Variants in PIGK observed in about 807,000 individuals in gnomAD.
PIGK encodes GPI-anchor transamidase.
Under a neutral mutation model 50.6 loss-of-function variants are expected in PIGK, and 42 were observed. That is an observed-to-expected ratio of 0.83 (90% confidence interval 0.65 to 1.07). The LOEUF is 1.07. PIGK is among the 50% of genes least tolerant of loss of function. The pLI is 0.00. For missense variants in PIGK, 448 were observed against 488.7 expected (o/e 0.92, Z 0.78); for synonymous variants, 151 against 156.0 (o/e 0.97, Z 0.24).
At chr1:77,196,253 A>G (rs372089142) in intron 3 of PIGK, among the ~76,000 whole-genome samples, 16 of 152,182 alleles carry the variant, frequency 1.1e-4, no homozygotes, top group African/African-American at 3.9e-4. Flanking sequence ...GGTTTATTCT[A>G]TGTCTTTGCT....
intron 3 of PIGK, chr1:77,194,984 G>C: frequency 1.5e-6 from 1 of 656,294 alleles, no homozygotes; most frequent in Non-Finnish European, 2.8e-6. Flanking sequence ...GGATCACGTG[G>C]AAGCAGTGAA....
intron 9 of PIGK, among the ~76,000 whole-genome samples, chr1:77,151,180 CAAT>C (rs1319081170): frequency 1.1e-4 from 16 of 151,868 alleles, no homozygotes; most frequent in Non-Finnish European, 2.2e-4. Flanking sequence ...CCCAGATATG[CAAT>C]AATGGTTCAA....
chr1:77,093,482 A>T (rs1435705135), intron 10 of PIGK, among the ~76,000 whole-genome samples: 1 of 152,160 alleles, frequency 6.6e-6, no homozygotes, highest in Non-Finnish European at 1.5e-5. Flanking sequence ...GAGAAATAGT[A>T]AGCTAAAATT....
intron 3 of PIGK, among the ~76,000 whole-genome samples, chr1:77,185,145 T>C (rs529248808): frequency 5.4e-4 from 83 of 152,316 alleles, no homozygotes; most frequent in African/African-American, 1.8e-3. Flanking sequence ...AATACCTTTT[T>C]CTCCATGCCT....
intron 3 of PIGK, among the ~76,000 whole-genome samples, chr1:77,170,275 T>C (rs1655330121): frequency 6.6e-6 from 1 of 152,196 alleles, no homozygotes; most frequent in South Asian, 2.1e-4. Context: ...GCTCATATAA[T>C]CTGGTCTCTG....
chr1:77,214,940 C>A (rs917399132), intron 1 of PIGK, among the ~76,000 whole-genome samples: 2 of 151,888 alleles, frequency 1.3e-5, no homozygotes, highest in African/African-American at 2.4e-5. Flanking sequence ...ATAAATTTAA[C>A]CAAGAAGTGA....
intron 9 of PIGK, among the ~76,000 whole-genome samples, chr1:77,125,092 C>T (rs1654199797): frequency 6.6e-6 from 1 of 152,138 alleles, no homozygotes; most frequent in South Asian, 2.1e-4. Context: ...TTCCAAAAAT[C>T]TAAAACAAGA....
chr1:77,117,316 T>A lies in PIGK; in HGVS notation c.1071+4959A>T, dbSNP rs143621611. 7.9e-5 allele frequency among the ~76,000 whole-genome samples: 12 copies of A among 152,342 alleles called. No individual in the cohort carries two copies. The East Asian group carries it at 2.1e-3, about 27-fold the overall frequency. On this transcript the variant is annotated intron_variant, in intron 10 of 10. Transcript: ENST00000370812. ...ATAAGAAAAATTATCTATTGAGACT[T>A]GGAATGTCTTTCCTATTTTATGATA...
At chr1:77,116,576 G>GTGTA (rs1454079492) in intron 10 of PIGK, among the ~76,000 whole-genome samples, 3 of 120,090 alleles carry the variant, frequency 2.5e-5, no homozygotes, top group African/African-American at 1.3e-4. Flanking sequence ...GTGTGTGTGT[G>GTGTA]TGTGTGTGTG....
At chr1:77,093,136 G>A (rs1474336196) in intron 10 of PIGK, among the ~76,000 whole-genome samples, 2 of 151,914 alleles carry the variant, frequency 1.3e-5, no homozygotes, top group Admixed American at 1.3e-4. Context: ...TATTTTCTTT[G>A]AGTTCCCATA....
At chr1:77,219,199 G>A in intron 1 of PIGK, 111 bp downstream of exon 1, 1 of 830,368 alleles carries the variant, frequency 1.2e-6, no homozygotes, top group Non-Finnish European at 2.0e-6. Flanking sequence ...CCCAGCCTGG[G>A]TCAGGGGCTG....
At chr1:77,181,070 A>G (rs1330975650) in intron 3 of PIGK, among the ~76,000 whole-genome samples, 1 of 152,176 alleles carries the variant, frequency 6.6e-6, no homozygotes, top group East Asian at 1.9e-4. Context: ...GATATTTTTA[A>G]GATCATCATC....
At chr1:77,139,800 G>A (rs1478103846) in intron 9 of PIGK, among the ~76,000 whole-genome samples, 3 of 151,968 alleles carry the variant, frequency 2.0e-5, no homozygotes, top group Non-Finnish European at 4.4e-5. Flanking sequence ...ATCTTGTAAC[G>A]GAATAATTTT....
Position 77,163,908 on chromosome 1 carries a change from A to G in PIGK, c.522T>C (p.Asp174=). 1 of 1,608,744 alleles carries G rather than the reference A, an allele frequency of 6.2e-7. No homozygotes were observed. Among genetic ancestry groups the G allele is most frequent in the South Asian group, 1.1e-5 (1 of 90,112 alleles). ...HGGNGFLKFQ[D]SEEITNIELA... ...GTTCTATGTTGGTAATTTCTTCAGA[A>G]TCTTGAAATTTTAAGAAACCATTTC... The change falls in exon 6 of 11, where the codon GAT becomes GAC. Residue 174 remains aspartate (D), a synonymous_variant. Transcript: ENST00000370812.
At chr1:77,111,898 G>A (rs926959285) in intron 10 of PIGK, among the ~76,000 whole-genome samples, 8 of 151,840 alleles carry the variant, frequency 5.3e-5, no homozygotes, top group African/African-American at 1.7e-4. Context: ...TTCTGTCTTC[G>A]CAAAGTATTA....
chr1:77,175,708 T>A (rs917803516), intron 3 of PIGK, among the ~76,000 whole-genome samples: 4 of 152,136 alleles, frequency 2.6e-5, no homozygotes, highest in Admixed American at 2.6e-4. Flanking sequence ...GTAAAAGAGA[T>A]TCTGTGTGTA....
At chr1:77,177,312 GA>G (rs1175869931) in intron 3 of PIGK, among the ~76,000 whole-genome samples, 1 of 152,222 alleles carries the variant, frequency 6.6e-6, no homozygotes, top group Non-Finnish European at 1.5e-5. Flanking sequence ...GACATGTCTT[GA>G]GATGGCCATG....
intron 3 of PIGK, among the ~76,000 whole-genome samples, chr1:77,192,849 C>A (rs1025698102): frequency 1.3e-5 from 2 of 152,020 alleles, no homozygotes; most frequent in African/African-American, 4.8e-5. Context: ...CTAATAAGAT[C>A]TTTCTTGATT....
intron 2 of PIGK, 142 bp downstream of exon 2, chr1:77,210,294 T>C: frequency 2.0e-6 from 1 of 510,632 alleles, no homozygotes; most frequent in Non-Finnish European, 3.5e-6. Flanking sequence ...GTGGTCAATT[T>C]AAAATATAGC....
Sources: allele counts gnomAD v4.1 joint callset (sites outside exome capture counted in the v4.1 genomes callset), GRCh38; gene constraint gnomAD v4.1.1; transcripts MANE v1.5; gene names NCBI Gene and HGNC (gene_info 2026-07-23, HGNC 2026-07-21).